The following SETBP1 variants were observed in gnomAD, a reference collection of about 807,000 sequenced individuals.
SETBP1 encodes the protein SET binding protein 1, also known as SET-binding protein.
In SETBP1, 9 loss-of-function variants were observed where a neutral mutation model predicts 101.0. The observed-to-expected ratio is 0.09, with a 90% CI of 0.05 to 0.16. The LOEUF is 0.16. Among genes scored for constraint, SETBP1 ranks in the 10% least tolerant of loss-of-function variants. The pLI is 1.00. For missense variants in SETBP1, 1,858 were observed against 2,033.8 expected (o/e 0.91, Z 1.66); for synonymous variants, 818 against 788.5 (o/e 1.04, Z -0.63).
intron 3 of SETBP1, among the ~76,000 whole-genome samples, chr18:44,875,452 A>C (rs2069377110): frequency 7.5e-6 from 1 of 132,716 alleles, no homozygotes; most frequent in Admixed American, 8.9e-5. Context: ...CAGAAGGAGG[A>C]GGTTGCCGAG....
intron 2 of SETBP1, among the ~76,000 whole-genome samples, chr18:44,818,867 C>A (rs1313784801): frequency 6.6e-6 from 1 of 151,986 alleles, no homozygotes; most frequent in Admixed American, 6.6e-5. Flanking sequence ...ACCATACACT[C>A]ATCATCTTAC....
chr18:44,973,139 T>C (rs908356959), intron 4 of SETBP1, among the ~76,000 whole-genome samples: 1 of 152,236 alleles, frequency 6.6e-6, no homozygotes, highest in Non-Finnish European at 1.5e-5. Flanking sequence ...GATAATCATC[T>C]GGTTTTTGTC....
chr18:44,897,177 G>A (rs1288067892), intron 3 of SETBP1, among the ~76,000 whole-genome samples: 2 of 152,156 alleles, frequency 1.3e-5, no homozygotes. Flanking sequence ...GTTCTGCGGG[G>A]TCCTTTGGGG....
At chr18:44,891,342 C>T (rs1311709955) in intron 3 of SETBP1, among the ~76,000 whole-genome samples, 1 of 152,126 alleles carries the variant, frequency 6.6e-6, no homozygotes, top group East Asian at 1.9e-4. Context: ...CAGAAGCACT[C>T]ATATATTTGA....
chr18:44,892,705 C>T (rs1290055446), intron 3 of SETBP1, among the ~76,000 whole-genome samples: 1 of 152,108 alleles, frequency 6.6e-6, no homozygotes, highest in Non-Finnish European at 1.5e-5. Flanking sequence ...CTTCTATCTA[C>T]TGGTTTTATT....
chr18:44,713,192 C>T (rs1448739008), intron 2 of SETBP1, among the ~76,000 whole-genome samples: 3 of 151,946 alleles, frequency 2.0e-5, no homozygotes, highest in Admixed American at 6.6e-5. Context: ...CTTCTGACCT[C>T]GTGATCCTCC....
chr18:45,043,748 GAACT>G (rs1313534785), intron 5 of SETBP1, among the ~76,000 whole-genome samples: 3 of 152,160 alleles, frequency 2.0e-5, no homozygotes, highest in Admixed American at 6.5e-5. Context: ...AGTCGAATCA[GAACT>G]AACTGTTACC....
intron 2 of SETBP1, among the ~76,000 whole-genome samples, chr18:44,857,899 G>GAGCAC (rs1266091467): frequency 6.6e-6 from 1 of 152,162 alleles, no homozygotes; most frequent in Non-Finnish European, 1.5e-5. Context: ...TCTGTGAGAT[G>GAGCAC]AGCACAGAGT....
At chr18:45,054,940 C>T (rs117244582) in intron 5 of SETBP1, among the ~76,000 whole-genome samples, 2,271 of 152,282 alleles carry the variant, frequency 0.015, 45 homozygotes, top group Non-Finnish European at 0.022. Context: ...ATGGATAGGG[C>T]ACCCCTCACT....
chr18:45,040,944 G>A (rs2073496078), intron 5 of SETBP1, among the ~76,000 whole-genome samples: 2 of 152,180 alleles, frequency 1.3e-5, no homozygotes, highest in South Asian at 4.1e-4. Context: ...CCCAGGTGCT[G>A]GAAGACAGAC....
At chr18:45,025,268 A>G (rs1470875754) in intron 4 of SETBP1, among the ~76,000 whole-genome samples, 1 of 152,178 alleles carries the variant, frequency 6.6e-6, no homozygotes, top group African/African-American at 2.4e-5. Flanking sequence ...TTTATTAGTG[A>G]AGTAAGCGAG....
chr18:45,041,987 G>T (rs56221737), intron 5 of SETBP1, among the ~76,000 whole-genome samples: 19,251 of 151,858 alleles, frequency 0.13, 1,847 homozygotes, highest in African/African-American at 0.27. Context: ...AAAAAAAAGA[G>T]TGGATGCAAA....
At chr18:44,790,028 A>C (rs1190637432) in intron 2 of SETBP1, among the ~76,000 whole-genome samples, 4 of 152,052 alleles carry the variant, frequency 2.6e-5, no homozygotes, top group Non-Finnish European at 5.9e-5. Flanking sequence ...ATCCCCACCC[A>C]TCATAAGATT....
chr18:44,789,147 G>A (rs574734960), intron 2 of SETBP1, among the ~76,000 whole-genome samples: 2 of 152,150 alleles, frequency 1.3e-5, no homozygotes, highest in African/African-American at 4.8e-5. Context: ...ATTTCTTTTA[G>A]ATCTAATGGA....
chr18:44,781,898 T>A (rs150383774), intron 2 of SETBP1, among the ~76,000 whole-genome samples: 1 of 152,360 alleles, frequency 6.6e-6, no homozygotes, highest in East Asian at 1.9e-4. Context: ...TTTGTGATTC[T>A]ATGACTTAAG....
At chr18:44,914,887 T>G (rs1213145690) in intron 3 of SETBP1, among the ~76,000 whole-genome samples, 3 of 152,252 alleles carry the variant, frequency 2.0e-5, no homozygotes, top group African/African-American at 7.2e-5. Flanking sequence ...TGAGGACAGG[T>G]GCTTTTCAGC....
chr18:44,882,086 T>G (rs570351686), intron 3 of SETBP1, among the ~76,000 whole-genome samples: 2 of 152,142 alleles, frequency 1.3e-5, no homozygotes, highest in South Asian at 4.2e-4. Context: ...TTTGGTGGAA[T>G]GTCAAACATA....
intron 4 of SETBP1, chr18:44,986,780 TG>T (rs1280452625): frequency 6.6e-6 from 1 of 152,172 alleles, no homozygotes; most frequent in Non-Finnish European, 1.5e-5. Flanking sequence ...CGTATGGTAC[TG>T]TCATCTCCTA....
chr18:44,942,654 C>T (rs2071112930), intron 3 of SETBP1, among the ~76,000 whole-genome samples: 2 of 152,070 alleles, frequency 1.3e-5, no homozygotes, highest in African/African-American at 4.8e-5. Context: ...TTGTCTAGTG[C>T]CTGAAAACAA....
Sources: gnomAD v4.1 joint callset for allele counts (sites outside exome capture counted in the v4.1 genomes callset) on GRCh38, gnomAD v4.1.1 for gene constraint, MANE v1.5 for transcripts, NCBI Gene and HGNC (gene_info 2026-07-23, HGNC 2026-07-21) for gene names.